The following KLHL4 variants were observed in gnomAD, a reference collection of about 807,000 sequenced individuals.
KLHL4 encodes kelch-like protein 4.
KLHL4 carries 17 observed loss-of-function variants against 45.8 expected under a neutral mutation model. The observed-to-expected ratio is 0.37, with a 90% CI of 0.25 to 0.56. The LOEUF (loss-of-function observed/expected upper bound fraction) is 0.56. Ranked by LOEUF, KLHL4 falls within the 20% of genes least tolerant of loss-of-function variation. The pLI, the probability that KLHL4 is intolerant of heterozygous loss-of-function variation, is 0.79. For missense variants in KLHL4, 544 were observed against 544.9 expected (o/e 1.00, Z 0.02); for synonymous variants, 224 against 189.9 (o/e 1.18, Z -1.47).
At chrX:87,654,313 C>T (rs1050174119) in intron 9 of KLHL4, among the ~76,000 whole-genome samples, 2 of 111,292 alleles carry the variant, frequency 1.8e-5, no homozygotes, top group African/African-American at 6.5e-5. Context: ...CCTCACTATT[C>T]TGTCTCCAGT....
chrX:87,604,411 C>G (rs1468709064), intron 1 of KLHL4, among the ~76,000 whole-genome samples: 2 of 111,308 alleles, frequency 1.8e-5, no homozygotes, highest in African/African-American at 3.3e-5. Flanking sequence ...TCAACAAACT[C>G]ACCAAGACTT....
At chrX:87,604,030 T>C (rs1344407714) in intron 1 of KLHL4, among the ~76,000 whole-genome samples, 1 of 110,952 alleles carries the variant, frequency 9.0e-6, no homozygotes, top group African/African-American at 3.3e-5. Context: ...TAACATAATG[T>C]TCTCTAGGTC....
rs1193834180 is a variant in KLHL4, at chrX:87,612,740, C to T, written c.423-1137C>T. ...CAGTAAGCATGGCAGGGTGCGGTGGCTCACACCTGTAATCCCAGCACTTTG... is the reference window on the plus strand; with the variant it reads ...CAGTAAGCATGGCAGGGTGCGGTGGTTCACACCTGTAATCCCAGCACTTTG... On this transcript the variant is annotated intron_variant, in intron 1 of 10. Transcript: ENST00000373119. Among the ~76,000 whole-genome samples the T allele has an allele frequency of 4.5e-5, 5 of 111,776 alleles. No individual in the cohort carries two copies. The Admixed American group carries it at 4.8e-4, about 11-fold the overall frequency.
chrX:87,608,098 G>T (rs1000793368), intron 1 of KLHL4, among the ~76,000 whole-genome samples: 1 of 111,351 alleles, frequency 9.0e-6, no homozygotes, highest in African/African-American at 3.3e-5. Context: ...AATCATCTTT[G>T]GTTTATTTCT....
intron 1 of KLHL4, among the ~76,000 whole-genome samples, chrX:87,595,261 ATTTC>A (rs1921806912): frequency 9.0e-6 from 1 of 110,924 alleles, no homozygotes; most frequent in South Asian, 3.8e-4. Context: ...TGCTAAACTC[ATTTC>A]CGTTTCCACG....
chrX:87,634,791 A>G (rs1411976680), intron 8 of KLHL4, among the ~76,000 whole-genome samples: 1 of 111,617 alleles, frequency 9.0e-6, no homozygotes, highest in Non-Finnish European at 1.9e-5. Flanking sequence ...GAATAATGTC[A>G]AGTGATTCAG....
intron 9 of KLHL4, among the ~76,000 whole-genome samples, chrX:87,653,699 A>G (rs1312579346): frequency 8.9e-6 from 1 of 111,841 alleles, no homozygotes; most frequent in East Asian, 2.8e-4. Context: ...TTACAGCACC[A>G]TTCATAATAG....
rs1175509930 is a variant in KLHL4 at position 87,603,410 on chromosome X, TACTA to T, written c.423-10465_423-10462del. On this transcript the variant is annotated intron_variant, in intron 1 of 10. Coordinates refer to ENST00000373119, the MANE Select transcript of KLHL4 (RefSeq NM_019117.5). ...TTTTACCTACAGGAATGTTGATAAATACTAAATAAAATTCTGCTGCTGTCGTTAG... is the reference window on the plus strand; with the variant it reads ...TTTTACCTACAGGAATGTTGATAAATAATAAAATTCTGCTGCTGTCGTTAG... 7.2e-5 allele frequency among the ~76,000 whole-genome samples: 8 copies of T among 111,423 alleles called. No homozygotes were observed. In the Admixed American group the frequency reaches 7.6e-4, roughly 11 times the overall value.
chrX:87,639,397 A>T (rs1279425216), intron 9 of KLHL4, among the ~76,000 whole-genome samples: 1 of 111,759 alleles, frequency 8.9e-6, no homozygotes, highest in Admixed American at 9.5e-5. Context: ...TATGCACTGT[A>T]TTCATCAGCA....
At chrX:87,612,445 A>G (rs1922414036) in intron 1 of KLHL4, among the ~76,000 whole-genome samples, 1 of 111,865 alleles carries the variant, frequency 8.9e-6, no homozygotes, top group Non-Finnish European at 1.9e-5. Context: ...AATAGGCTAT[A>G]CCATAAACCA....
At chrX:87,620,196 A>G (rs1010215720) in intron 4 of KLHL4, among the ~76,000 whole-genome samples, 2 of 112,289 alleles carry the variant, frequency 1.8e-5, no homozygotes, top group African/African-American at 6.5e-5. Context: ...CAACAATATA[A>G]GTGTAGATTT....
intron 1 of KLHL4, among the ~76,000 whole-genome samples, chrX:87,549,691 T>G (rs1931769803): frequency 9.0e-6 from 1 of 110,887 alleles, no homozygotes; most frequent in African/African-American, 3.3e-5. Flanking sequence ...ATGAGGAAAT[T>G]TATAAGGAAA....
chrX:87,618,324 A>T (rs1291324811), intron 4 of KLHL4, among the ~76,000 whole-genome samples, 196 bp downstream of exon 4: 1 of 111,728 alleles, frequency 9.0e-6, no homozygotes, highest in Non-Finnish European at 1.9e-5. Flanking sequence ...TAAATCCCCA[A>T]ACTTAAGGAA....
intron 1 of KLHL4, among the ~76,000 whole-genome samples, chrX:87,565,799 T>C (rs1044223575): frequency 3.7e-5 from 4 of 108,543 alleles, no homozygotes; most frequent in Admixed American, 2.0e-4. Flanking sequence ...TTTCCCAACA[T>C]TTTAGGTATC....
intron 1 of KLHL4, among the ~76,000 whole-genome samples, chrX:87,572,866 T>G (rs1326022018): frequency 3.7e-5 from 4 of 108,346 alleles, no homozygotes; most frequent in Non-Finnish European, 5.8e-5. Flanking sequence ...TAGGGAGAGA[T>G]AAATTTTTCT....
At chrX:87,605,496 A>C (rs1922163114) in intron 1 of KLHL4, among the ~76,000 whole-genome samples, 1 of 110,228 alleles carries the variant, frequency 9.1e-6, no homozygotes, top group African/African-American at 3.3e-5. Context: ...TTTTATATAT[A>C]TTTAAATTGA....
chrX:87,533,265 T>C (rs1182196349), intron 1 of KLHL4, among the ~76,000 whole-genome samples: 1 of 103,661 alleles, frequency 9.6e-6, no homozygotes, highest in Non-Finnish European at 2.0e-5. Context: ...GTATGTTTAT[T>C]GCGGCACTAT....
intron 9 of KLHL4, among the ~76,000 whole-genome samples, chrX:87,656,817 A>G (rs777999859): frequency 8.9e-6 from 1 of 111,935 alleles, no homozygotes; most frequent in African/African-American, 3.2e-5. Flanking sequence ...GAAAAGAAAA[A>G]TATCACATCT....
At chrX:87,638,253 A>T (rs947742351) in intron 9 of KLHL4, among the ~76,000 whole-genome samples, 1 of 112,221 alleles carries the variant, frequency 8.9e-6, no homozygotes, top group South Asian at 3.7e-4. Context: ...GAAATCTAAA[A>T]GTTTGGAAAA....
Sources: gnomAD v4.1 joint callset for allele counts (sites outside exome capture counted in the v4.1 genomes callset) on GRCh38, gnomAD v4.1.1 for gene constraint, MANE v1.5 for transcripts, NCBI Gene and HGNC (gene_info 2026-07-23, HGNC 2026-07-21) for gene names.